APOLD1: variants seen among roughly 807,000 people sequenced by gnomAD.
APOLD1 encodes the protein apolipoprotein L domain-containing protein 1.
APOLD1 carries 22 observed loss-of-function variants against 15.3 expected under a neutral mutation model. That is an observed-to-expected ratio of 1.44 (90% CI 1.03 to 2.05). APOLD1 has a LOEUF of 2.05. Among genes scored for constraint, APOLD1 ranks in the 30% most tolerant of loss-of-function variants. APOLD1 has a pLI of 0.00. For synonymous variants in APOLD1, 190 were observed against 167.4 expected (o/e 1.13, Z -1.04); for missense variants, 394 against 353.5 (o/e 1.11, Z -0.92).
intron 1 of APOLD1, among the ~76,000 whole-genome samples, chr12:12,768,997 G>A (rs1468646952): frequency 1.2e-4 from 18 of 151,960 alleles, no homozygotes; most frequent in Admixed American, 1.2e-3. Context: ...GGAGGCTGAG[G>A]CAAAAGGATT....
Position 12,787,134 on chromosome 12 carries a change from A to G in APOLD1, c.229A>G (p.Ser77Gly). 6.7e-7 allele frequency: 1 copy of G among 1,483,586 alleles called. No individual in the cohort carries two copies. Among genetic ancestry groups the G allele is most frequent in the Non-Finnish European group, 8.9e-7 (1 of 1,128,626 alleles). 91.9% of individuals were successfully genotyped at this position (1,483,586 alleles called of 1,614,324 possible). The stretch of plus-strand genomic sequence containing the variant: ...CGCCGCCATCGTGGGGCTCTCGCTC[A>G]GCCCGGTCACCCTGGGGACCTCGCT... Reference protein sequence around the residue: ...ALAAIVGLSLSPVTLGTSLLV... With the variant: ...ALAAIVGLSLGPVTLGTSLLV... The change falls in exon 2 of 2, where the codon AGC becomes GGC. Residue 77 changes from serine (S) to glycine (G), a missense_variant. By Grantham distance (56) the Ser-to-Gly change is moderately conservative. Transcript: ENST00000356591. The surrounding 1 kb of genome is among the most constrained non-coding windows in gnomAD (Gnocchi z 4.9).
intron 1 of APOLD1, among the ~76,000 whole-genome samples, chr12:12,734,861 A>C (rs1486408181): frequency 6.6e-6 from 1 of 152,206 alleles, no homozygotes; most frequent in Non-Finnish European, 1.5e-5. Flanking sequence ...TCAAGGTCAC[A>C]AACAGGAGCG....
intron 1 of APOLD1, among the ~76,000 whole-genome samples, chr12:12,769,043 C>A (rs73069436): frequency 6.6e-6 from 1 of 151,714 alleles, no homozygotes; most frequent in Non-Finnish European, 1.5e-5. Context: ...GCTGGAGCAA[C>A]GTGGCAAAAC....
At chr12:12,750,134 A>T (rs1298295313) in intron 1 of APOLD1, among the ~76,000 whole-genome samples, 1 of 152,176 alleles carries the variant, frequency 6.6e-6, no homozygotes, top group East Asian at 1.9e-4. Flanking sequence ...GCATTTTGCG[A>T]GGCCGAGGCG....
intron 1 of APOLD1, among the ~76,000 whole-genome samples, chr12:12,769,058 T>G (rs997767958): frequency 3.3e-5 from 5 of 151,532 alleles, no homozygotes; most frequent in African/African-American, 1.2e-4. Flanking sequence ...CAAAACCCCA[T>G]CTTTACCAAC....
intron 1 of APOLD1, among the ~76,000 whole-genome samples, chr12:12,758,469 T>C (rs1434054405): frequency 6.6e-6 from 1 of 151,962 alleles, no homozygotes; most frequent in Admixed American, 6.6e-5. Context: ...CGCTTGAACC[T>C]GGGAGGCGGA....
chr12:12,777,889 G>GTTTTTTTTTTTTTTTTTTTTTT (rs71436735), intron 1 of APOLD1, among the ~76,000 whole-genome samples: 1 of 117,140 alleles, frequency 8.5e-6, no homozygotes, highest in African/African-American at 3.7e-5. Flanking sequence ...AAGGAAAGGT[G>GTTTTTTTTTTTTTTTTTTTTTT]TTTTTTTTTT....
At chr12:12,741,031 T>A (rs949176872) in intron 1 of APOLD1, among the ~76,000 whole-genome samples, 3 of 152,110 alleles carry the variant, frequency 2.0e-5, no homozygotes, top group African/African-American at 7.2e-5. Flanking sequence ...ACCCATTAAT[T>A]ATGTCTCTCA....
At chr12:12,750,762 T>C (rs1033702993) in intron 1 of APOLD1, among the ~76,000 whole-genome samples, 5 of 152,128 alleles carry the variant, frequency 3.3e-5, no homozygotes, top group African/African-American at 1.2e-4. Flanking sequence ...GGATACAGAA[T>C]GTCACTGAAC....
At chr12:12,781,779 G>A (rs377300592), upstream of APOLD1, among the ~76,000 whole-genome samples, 4 of 151,136 alleles carry the variant, frequency 2.6e-5, no homozygotes, top group East Asian at 2.0e-4. Flanking sequence ...TGCCTGCCTC[G>A]GCCTCCCAAA....
At chr12:12,735,248 A>G (rs1026740060) in intron 1 of APOLD1, among the ~76,000 whole-genome samples, 2 of 152,008 alleles carry the variant, frequency 1.3e-5, no homozygotes, top group African/African-American at 4.8e-5. Flanking sequence ...CAAACAAAAT[A>G]AAAAATGCCA....
intron 1 of APOLD1, among the ~76,000 whole-genome samples, chr12:12,746,634 G>C (rs7311498): frequency 0.91 from 137,865 of 152,216 alleles, 63,999 homozygotes; most frequent in East Asian, 1. Flanking sequence ...GGGAAAACAT[G>C]CTCTAATTTT....
chr12:12,733,025 A>G (rs974310238), intron 1 of APOLD1, among the ~76,000 whole-genome samples: 11 of 152,066 alleles, frequency 7.2e-5, no homozygotes, highest in African/African-American at 2.7e-4. Context: ...TAACAGTTAT[A>G]TATCTTGGCT....
chr12:12,787,001 C>T lies in APOLD1; in HGVS notation c.96C>T (p.His32=). 1 of 1,407,210 alleles carries T rather than the reference C, an allele frequency of 7.1e-7. No individual in the cohort carries two copies. The highest frequency in any genetic ancestry group is 9.2e-7 in the Non-Finnish European group (1 of 1,092,072). 87.2% of individuals were successfully genotyped at this position (1,407,210 alleles called of 1,614,324 possible). A position where few individuals can be genotyped will look rare whatever the true frequency, so the allele number is the denominator to read the frequency against. ...TGCTGGACCGCCGAGGCCGGCTGCA[C>T]GGCCAGGTGCTGCGCCTGCGCGAGG... ...GLLLDRRGRL[H]GQVLRLREVA... The change falls in exon 2 of 2, where the codon CAC becomes CAT. Residue 32 remains histidine (H), a synonymous_variant. Coordinates refer to ENST00000356591, the MANE Select transcript of APOLD1 (RefSeq NM_030817.3). The surrounding 1 kb of genome is among the most constrained non-coding windows in gnomAD (Gnocchi z 4.9).
intron 1 of APOLD1, among the ~76,000 whole-genome samples, chr12:12,761,585 C>T (rs1220346590): frequency 6.6e-6 from 1 of 151,454 alleles, no homozygotes; most frequent in Non-Finnish European, 1.5e-5. Flanking sequence ...CACATACTCA[C>T]ACACAAGGAT....
intron 1 of APOLD1, among the ~76,000 whole-genome samples, chr12:12,754,736 C>T (rs1946843409): frequency 6.6e-6 from 1 of 151,788 alleles, no homozygotes; most frequent in African/African-American, 2.4e-5. Context: ...TGGCCGAAAT[C>T]TATCTTTAAT....
chr12:12,760,088 G>C (rs1362624850), intron 1 of APOLD1, among the ~76,000 whole-genome samples: 1 of 152,198 alleles, frequency 6.6e-6, no homozygotes, highest in Non-Finnish European at 1.5e-5. Flanking sequence ...TGTCATCCCA[G>C]CACTTTTGGA....
intron 1 of APOLD1, chr12:12,786,678 A>G (rs1252249726): frequency 2.0e-6 from 2 of 985,304 alleles, no homozygotes; most frequent in Non-Finnish European, 2.4e-6. Flanking sequence ...CATTATTCCT[A>G]TTTCCATATG....
At chr12:12,778,616 G>A (rs919939485) in intron 1 of APOLD1, among the ~76,000 whole-genome samples, 1 of 152,104 alleles carries the variant, frequency 6.6e-6, no homozygotes, top group Middle Eastern at 3.4e-3. Flanking sequence ...GAGCCAGCCA[G>A]TGTGCCTAGC....
Sources: gnomAD v4.1 joint callset for allele counts (sites outside exome capture counted in the v4.1 genomes callset) on GRCh38, gnomAD v4.1.1 for gene constraint, Gnocchi (gnomAD v3.1) non-coding constraint, MANE v1.5 for transcripts, NCBI Gene and HGNC (gene_info 2026-07-23, HGNC 2026-07-21) for gene names.